TCF7L2: variants seen among roughly 807,000 people sequenced by gnomAD.
TCF7L2 encodes transcription factor 7-like 2.
In TCF7L2, 23 loss-of-function variants were observed where a neutral mutation model predicts 77.9. That is an observed-to-expected ratio of 0.30 (90% CI 0.21 to 0.42). TCF7L2 has a LOEUF of 0.42. Ranked by LOEUF, TCF7L2 falls within the 10% of genes least tolerant of loss-of-function variation. The pLI is 1.00. For synonymous variants in TCF7L2, 413 were observed against 340.2 expected (o/e 1.21, Z -2.36); for missense variants, 654 against 793.1 (o/e 0.82, Z 2.11).
At chr10:113,154,985 T>A (rs77995073) in intron 11 of TCF7L2, among the ~76,000 whole-genome samples, 1 of 144,836 alleles carries the variant, frequency 6.9e-6, no homozygotes, top group African/African-American at 2.5e-5. Flanking sequence ...AACTAGTATT[T>A]TTTTTTTTTT....
chr10:113,003,897 C>T (rs535310385), intron 4 of TCF7L2, among the ~76,000 whole-genome samples: 6 of 152,292 alleles, frequency 3.9e-5, no homozygotes, highest in South Asian at 2.1e-4. Context: ...TACACACCCA[C>T]GGGGAACAGG....
At position 112,951,116 on chromosome 10, in the gene TCF7L2, C is replaced by CG. The variant is rs1362647800; in HGVS notation, c.190-91_190-90insG. On this transcript the variant is annotated intron_variant, in intron 1 of 13. Coordinates refer to ENST00000627217, the MANE Select transcript of TCF7L2 (RefSeq NM_001146274.2). ...TGTAACCCTGTTTTTTTCTACCCCC[C>CG]CCTCGACCTCGCCGATTCTTTTTCT... The CG allele has an allele frequency of 2.3e-6, 3 of 1,296,310 alleles. No individual in the cohort carries two copies. In the East Asian group the frequency reaches 8.3e-5, roughly 36 times the overall value. The allele number at this position is 1,296,310 out of a possible 1,614,324, so 80.3% of individuals were successfully genotyped here.
intron 4 of TCF7L2, among the ~76,000 whole-genome samples, chr10:113,033,497 C>T (rs1424490650): frequency 1.3e-5 from 2 of 152,148 alleles, no homozygotes; most frequent in African/African-American, 4.8e-5. Flanking sequence ...ATCTTCCTGC[C>T]TCAGCCTTCC....
intron 12 of TCF7L2, 125 bp downstream of exon 13, chr10:113,158,842 C>A: frequency 4.2e-6 from 4 of 942,090 alleles, no homozygotes; most frequent in Non-Finnish European, 6.1e-6. Flanking sequence ...TGACCATCAA[C>A]ACGGTTTCGT....
chr10:113,167,644 G>A lies in TCF7L2; in HGVS notation c.*1672G>A, dbSNP rs1308640475. On this transcript the variant is annotated 3_prime_UTR_variant, in exon 14 of 14. Transcript: ENST00000627217. ...TACAGTATCTGTAGCATGCCGTTCTGGATTAATAAAAGCAACTTAGTATGT... is the reference window on the plus strand; with the variant it reads ...TACAGTATCTGTAGCATGCCGTTCTAGATTAATAAAAGCAACTTAGTATGT... 2 of 190,234 alleles carry A rather than the reference G, an allele frequency of 1.1e-5. No individual in the cohort carries two copies. The highest frequency in any genetic ancestry group is 1.7e-4 in the East Asian group (2 of 11,834). The allele number at this position is 190,234 out of a possible 1,614,324, so 11.8% of individuals were successfully genotyped here.
intron 4 of TCF7L2, among the ~76,000 whole-genome samples, chr10:113,032,245 G>C (rs770445563): frequency 6.6e-6 from 1 of 152,222 alleles, no homozygotes; most frequent in Non-Finnish European, 1.5e-5. Flanking sequence ...CCGTGTGTGA[G>C]CTGCTGTACC....
At chr10:112,975,467 T>G (rs1200139352) in intron 4 of TCF7L2, among the ~76,000 whole-genome samples, 2 of 152,208 alleles carry the variant, frequency 1.3e-5, no homozygotes, top group Non-Finnish European at 2.9e-5. Flanking sequence ...AGGGTGTTTA[T>G]TTTTAAATTT....
chr10:113,031,644 C>T (rs142258897), intron 4 of TCF7L2, among the ~76,000 whole-genome samples: 17 of 152,154 alleles, frequency 1.1e-4, no homozygotes, highest in African/African-American at 4.1e-4. Flanking sequence ...CCTGCCACCA[C>T]ACCCAGCTAA....
chr10:113,090,592 A>G (rs2060275871), intron 5 of TCF7L2, among the ~76,000 whole-genome samples: 1 of 152,092 alleles, frequency 6.6e-6, no homozygotes, highest in South Asian at 2.1e-4. Flanking sequence ...AAATACCTAT[A>G]CTCTTATTAC....
chr10:113,105,519 C>T (rs1395488182), intron 5 of TCF7L2, among the ~76,000 whole-genome samples: 2 of 152,108 alleles, frequency 1.3e-5, no homozygotes, highest in Admixed American at 6.6e-5. Flanking sequence ...TGGGAGTTAC[C>T]GTGGCTATTG....
At chr10:113,116,906 T>G (rs1246351354) in intron 5 of TCF7L2, among the ~76,000 whole-genome samples, 2 of 152,186 alleles carry the variant, frequency 1.3e-5, no homozygotes, top group Non-Finnish European at 2.9e-5. Flanking sequence ...GTCCATAAAT[T>G]GTTGATTATT....
rs189633561 is a variant in TCF7L2 at position 112,992,956 on chromosome 10, G to A, written c.450+28332G>A. Among the ~76,000 whole-genome samples, 46 of 151,876 alleles carry A rather than the reference G, an allele frequency of 3.0e-4. No homozygotes were observed. In the East Asian group the frequency reaches 8.2e-3, roughly 27 times the overall value. On this transcript the variant is annotated intron_variant, in intron 4 of 13. Coordinates refer to ENST00000627217, the MANE Select transcript of TCF7L2 (RefSeq NM_001146274.2). Reference sequence around the variant, plus strand: ...TTTTTTGTATTTTTAGTAGAGATGGGGTTTTACCATCTTGGCCAGGCTGGT... The same window carrying A: ...TTTTTTGTATTTTTAGTAGAGATGGAGTTTTACCATCTTGGCCAGGCTGGT...
rs141656893 is a variant in TCF7L2, at chr10:113,101,063, G to T, written c.553-40121G>T. On this transcript the variant is annotated intron_variant, in intron 5 of 13. Transcript: ENST00000627217. Reference sequence around the variant, plus strand: ...GCACTCCAGGCTGAGTGACAAGAGCGAAACTCCGTCTCAAGGGGGGAAAAA... The same window carrying T: ...GCACTCCAGGCTGAGTGACAAGAGCTAAACTCCGTCTCAAGGGGGGAAAAA... Among the ~76,000 whole-genome samples, 823 of 151,934 alleles carry T rather than the reference G, an allele frequency of 5.4e-3. 9 individuals carry two copies. Among genetic ancestry groups the T allele is most frequent in the African/African-American group, 0.019 (800 of 41,284 alleles).
intron 4 of TCF7L2, among the ~76,000 whole-genome samples, chr10:113,032,548 C>G (rs767126411): frequency 1.3e-5 from 2 of 152,144 alleles, no homozygotes; most frequent in Non-Finnish European, 2.9e-5. Context: ...TGAGATGTTC[C>G]CTTCACCATG....
intron 5 of TCF7L2, among the ~76,000 whole-genome samples, chr10:113,059,047 A>G (rs1335170995): frequency 6.6e-6 from 1 of 152,150 alleles, no homozygotes; most frequent in African/African-American, 2.4e-5. Context: ...AGTGGGGGAT[A>G]AAAAGAGTAG....
chr10:112,961,415 A>G (rs1479082707), intron 3 of TCF7L2, among the ~76,000 whole-genome samples: 1 of 152,094 alleles, frequency 6.6e-6, no homozygotes, highest in Non-Finnish European at 1.5e-5. Flanking sequence ...ATGGCCTACC[A>G]TCTTTTATTC....
intron 5 of TCF7L2, among the ~76,000 whole-genome samples, chr10:113,077,042 A>C (rs186342035): frequency 4.1e-4 from 63 of 152,344 alleles, no homozygotes; most frequent in Non-Finnish European, 8.4e-4. Context: ...ACATCTGGCA[A>C]GAGCTAGTTA....
At chr10:113,098,470 G>C (rs1485819203) in intron 5 of TCF7L2, among the ~76,000 whole-genome samples, 1 of 152,158 alleles carries the variant, frequency 6.6e-6, no homozygotes, top group Non-Finnish European at 1.5e-5. Flanking sequence ...ACTTTGGGAG[G>C]CCGAGGCAGA....
chr10:113,163,069 G>C (rs1331800836), intron 13 of TCF7L2, among the ~76,000 whole-genome samples: 1 of 151,358 alleles, frequency 6.6e-6, no homozygotes, highest in Admixed American at 6.6e-5. Flanking sequence ...TTTCTGACTC[G>C]TCAGAAATGT....
Sources: gnomAD v4.1 joint callset for allele counts (sites outside exome capture counted in the v4.1 genomes callset) on GRCh38, gnomAD v4.1.1 for gene constraint, MANE v1.5 for transcripts, NCBI Gene and HGNC (gene_info 2026-07-23, HGNC 2026-07-21) for gene names.